Variants in PBX3 observed in about 807,000 individuals in gnomAD.
PBX3 encodes the protein pre-B-cell leukemia transcription factor 3.
Under a neutral mutation model 48.5 loss-of-function variants are expected in PBX3, and 14 were observed. The observed-to-expected ratio is 0.29, with a 90% CI of 0.19 to 0.45. PBX3 has a LOEUF of 0.45. Among genes scored for constraint, PBX3 ranks in the 20% least tolerant of loss-of-function variants. The pLI, the probability that PBX3 is intolerant of heterozygous loss-of-function variation, is 1.00. For synonymous variants in PBX3, 210 were observed against 200.3 expected (o/e 1.05, Z -0.41); for missense variants, 386 against 546.7 (o/e 0.71, Z 2.93).
chr9:125,911,176 G>A (rs1841195683), intron 2 of PBX3, among the ~76,000 whole-genome samples: 1 of 152,072 alleles, frequency 6.6e-6, no homozygotes, highest in Admixed American at 6.6e-5. Context: ...TTTCAAATGA[G>A]ATCTCATGAC....
intron 2 of PBX3, among the ~76,000 whole-genome samples, chr9:125,832,234 T>C (rs1271756869): frequency 3.3e-5 from 5 of 152,098 alleles, no homozygotes; most frequent in African/African-American, 1.2e-4. Context: ...CTCGCTCTGT[T>C]GCCCAGGCTG....
In PBX3 at chr9:125,751,137, C is replaced by T. The variant is rs758485769; in HGVS notation, c.274+2514C>T. On this transcript the variant is annotated intron_variant, in intron 2 of 8. Transcript: ENST00000373489. ...ATCATTTTATTTAATCTAATAATACCTAAAAATTAATTCTTTGTAATTTAG... is the reference window on the plus strand; with the variant it reads ...ATCATTTTATTTAATCTAATAATACTTAAAAATTAATTCTTTGTAATTTAG... 8.2e-4 allele frequency among the ~76,000 whole-genome samples: 125 copies of T among 152,020 alleles called. 1 individual carries two copies. The highest frequency in any genetic ancestry group is 3.4e-3 in the Middle Eastern group (1 of 292).
chr9:125,907,502 G>A (rs1841102650), intron 2 of PBX3, among the ~76,000 whole-genome samples: 1 of 151,944 alleles, frequency 6.6e-6, no homozygotes, highest in Non-Finnish European at 1.5e-5. Context: ...GAATACCACT[G>A]TTATTTTTTA....
At chr9:125,942,094 A>G (rs1455351433) in intron 5 of PBX3, among the ~76,000 whole-genome samples, 1 of 152,264 alleles carries the variant, frequency 6.6e-6, no homozygotes, top group African/African-American at 2.4e-5. Flanking sequence ...TAATAGTCTA[A>G]TATAAATAAC....
At chr9:125,791,610 G>A (rs1837612559) in intron 2 of PBX3, among the ~76,000 whole-genome samples, 1 of 152,094 alleles carries the variant, frequency 6.6e-6, no homozygotes, top group Admixed American at 6.5e-5. Context: ...CATGTAAGAT[G>A]TGCCTGCTTC....
intron 2 of PBX3, among the ~76,000 whole-genome samples, chr9:125,808,800 C>T (rs1433221707): frequency 3.9e-5 from 6 of 152,076 alleles, no homozygotes; most frequent in Non-Finnish European, 8.8e-5. Flanking sequence ...CATACATGAC[C>T]TTGTTTTGTG....
intron 5 of PBX3, among the ~76,000 whole-genome samples, chr9:125,943,229 G>A (rs1036721633): frequency 6.6e-6 from 1 of 151,500 alleles, no homozygotes; most frequent in Non-Finnish European, 1.5e-5. Flanking sequence ...GGTGGCACAC[G>A]CCTGTAGTCC....
chr9:125,792,448 A>G (rs768652720), intron 2 of PBX3, among the ~76,000 whole-genome samples: 8 of 152,100 alleles, frequency 5.3e-5, no homozygotes, highest in Non-Finnish European at 1.2e-4. Context: ...AGATCAATTA[A>G]ATAGGAAATT....
intron 2 of PBX3, among the ~76,000 whole-genome samples, chr9:125,834,010 T>G (rs755798155): frequency 6.6e-6 from 1 of 152,196 alleles, no homozygotes; most frequent in Non-Finnish European, 1.5e-5. Context: ...GTATCATTAA[T>G]TGGATAAACA....
At chr9:125,894,003 C>G (rs1467442710) in intron 2 of PBX3, among the ~76,000 whole-genome samples, 1 of 151,940 alleles carries the variant, frequency 6.6e-6, no homozygotes, top group African/African-American at 2.4e-5. Context: ...TGTTTTTAAG[C>G]TCACAGTTTT....
intron 2 of PBX3, among the ~76,000 whole-genome samples, chr9:125,912,974 G>A (rs1841238019): frequency 6.6e-6 from 1 of 152,012 alleles, no homozygotes; most frequent in Admixed American, 6.6e-5. Context: ...GAATAAAATG[G>A]TAACTAAATG....
intron 3 of PBX3, among the ~76,000 whole-genome samples, chr9:125,918,321 A>G (rs1040424668): frequency 3.3e-5 from 5 of 152,150 alleles, no homozygotes; most frequent in Non-Finnish European, 2.9e-5. Context: ...TTTCCATGAG[A>G]TTTTATGTAA....
At chr9:125,836,074 G>A (rs1435152334) in intron 2 of PBX3, among the ~76,000 whole-genome samples, 1 of 152,148 alleles carries the variant, frequency 6.6e-6, no homozygotes, top group African/African-American at 2.4e-5. Context: ...TGGAACGAGA[G>A]GACATTATGT....
At chr9:125,860,356 G>A (rs1839831234) in intron 2 of PBX3, among the ~76,000 whole-genome samples, 1 of 152,212 alleles carries the variant, frequency 6.6e-6, no homozygotes, top group African/African-American at 2.4e-5. Context: ...AACTTAGCAT[G>A]TGCCCAGAGG....
rs755972116 is a variant in PBX3, at chr9:125,932,216, T to G, written c.707+2371T>G. On this transcript the variant is annotated intron_variant, in intron 4 of 8. Coordinates refer to ENST00000373489, the MANE Select transcript of PBX3 (RefSeq NM_006195.6). ...GGAATGGAACCAGTGCTTGTACTTG[T>G]TGGATCTAGTGAGATCTTGCTCATC... Among the ~76,000 whole-genome samples, 52 of 152,236 alleles carry G rather than the reference T, an allele frequency of 3.4e-4. 1 individual carries two copies. The highest frequency in any genetic ancestry group is 3.1e-3 in the Admixed American group (48 of 15,290).
intron 2 of PBX3, among the ~76,000 whole-genome samples, chr9:125,859,961 ACACT>A (rs1238902980): frequency 6.6e-6 from 1 of 152,178 alleles, no homozygotes; most frequent in Non-Finnish European, 1.5e-5. Context: ...AACTGAAAAA[ACACT>A]CACTCAAATA....
chr9:125,767,677 C>T (rs1273254914), intron 2 of PBX3, among the ~76,000 whole-genome samples: 1 of 152,134 alleles, frequency 6.6e-6, no homozygotes, highest in East Asian at 1.9e-4. Context: ...CTCATGGATA[C>T]CATGGACCTT....
intron 2 of PBX3, among the ~76,000 whole-genome samples, chr9:125,804,947 TAAA>T (rs547253775): frequency 6.0e-4 from 32 of 53,516 alleles, no homozygotes; most frequent in African/African-American, 9.2e-4. Flanking sequence ...GGCTCTGTCT[TAAA>T]AAAAAAAAAA....
chr9:125,883,513 A>T (rs1215395916), intron 2 of PBX3, among the ~76,000 whole-genome samples: 1 of 152,130 alleles, frequency 6.6e-6, no homozygotes, highest in Non-Finnish European at 1.5e-5. Context: ...ACAACTAAAT[A>T]TGTGCTATGA....
Sources: allele counts gnomAD v4.1 joint callset (sites outside exome capture counted in the v4.1 genomes callset), GRCh38; gene constraint gnomAD v4.1.1; transcripts MANE v1.5; gene names NCBI Gene and HGNC (gene_info 2026-07-23, HGNC 2026-07-21).